The following GPR21 variants were observed in gnomAD, a reference collection of about 807,000 sequenced individuals.
The protein encoded by GPR21 is probable G protein-coupled receptor 21.
GPR21 carries 9 observed loss-of-function variants against 21.5 expected under a neutral mutation model. That is an observed-to-expected ratio of 0.42 (90% confidence interval 0.25 to 0.73). GPR21 has a LOEUF of 0.73. Among genes scored for constraint, GPR21 ranks in the 30% least tolerant of loss-of-function variants. The pLI is 0.27. For missense variants in GPR21, 416 were observed against 428.9 expected, an observed-to-expected ratio of 0.97 and a Z score of 0.27; for synonymous variants, 169 against 159.3, an observed-to-expected ratio of 1.06 and a Z score of -0.46.
the GPR21 span, among the ~76,000 whole-genome samples, chr9:123,048,566 AAGAG>A: frequency 6.6e-6 from 1 of 152,248 alleles, no homozygotes; most frequent in Non-Finnish European, 1.5e-5. Context: ...AAGCTGTACT[AAGAG>A]AGCATTTGAT....
At chr9:123,045,337 G>A in the GPR21 span, among the ~76,000 whole-genome samples, 1 of 152,200 alleles carries the variant, frequency 6.6e-6, no homozygotes, top group African/African-American at 2.4e-5. Context: ...AAGGCCATTT[G>A]TGGGTCTCTT....
At chr9:123,047,260 G>C in the GPR21 span, among the ~76,000 whole-genome samples, 8 of 152,170 alleles carry the variant, frequency 5.3e-5, no homozygotes, top group Non-Finnish European at 5.9e-5. Flanking sequence ...TGTTCGAGGA[G>C]GTAAAAAATA....
At chr9:123,044,626 CGT>C in the GPR21 span, among the ~76,000 whole-genome samples, 80,112 of 148,940 alleles carry the variant, frequency 0.54, 26,351 homozygotes, top group Non-Finnish European at 0.74. Flanking sequence ...AACACACGTA[CGT>C]GTGTGTGTGT....
At chr9:123,044,327 C>T in the GPR21 span, among the ~76,000 whole-genome samples, 5 of 152,106 alleles carry the variant, frequency 3.3e-5, no homozygotes, top group African/African-American at 1.2e-4. Context: ...TAAATGGGGG[C>T]ATAATAGCAC....
chr9:123,036,596 C>G (rs193205980), downstream of GPR21, among the ~76,000 whole-genome samples: 2 of 152,222 alleles, frequency 1.3e-5, no homozygotes, highest in African/African-American at 2.4e-5. Context: ...GCAACTGAGT[C>G]AGAAAGTATA....
At chr9:123,043,242 C>G in the GPR21 span, among the ~76,000 whole-genome samples, 1 of 152,098 alleles carries the variant, frequency 6.6e-6, no homozygotes, top group African/African-American at 2.4e-5. Flanking sequence ...GTCTCTGACA[C>G]AGGAGGATGG....
At position 123,035,290 on chromosome 9, in the gene GPR21, G is replaced by A. The variant is rs752379887; in HGVS notation, c.724G>A (p.Val242Met). 2.5e-6 allele frequency: 4 copies of A among 1,614,202 alleles called. No homozygotes were observed. The Admixed American group carries it at 5.0e-5, about 20-fold the overall frequency. The stretch of plus-strand genomic sequence containing the variant: ...CAGCCAGAGTGGGGAGACTGGGGAA[G>A]TGCAGGCCTGTCCTGATAAGCGCTA... ...FSSQSGETGE[V>M]QACPDKRYAM... The change falls in exon 2 of 2, where the codon GTG becomes ATG. Residue 242 changes from valine to methionine, a missense_variant. Transcript: ENST00000616002.
Position 123,035,338 on chromosome 9 carries a change from A to G in GPR21, c.772A>G (p.Thr258Ala). 1 of 1,614,100 alleles carries G rather than the reference A, an allele frequency of 6.2e-7. No homozygotes were observed. The highest frequency in any genetic ancestry group is 1.1e-5 in the South Asian group (1 of 91,076). Residue 258 changes from threonine to alanine, a missense_variant, in exon 2 of 2, where the codon ACT (threonine) becomes GCT (alanine). Coordinates refer to ENST00000616002, the MANE Select transcript of GPR21 (RefSeq NM_005294.3). ...KRYAMVLFRI[T>A]SVFYILWLPY... is the part of the protein sequence containing the mutation. ...CTATGCCATGGTCCTGTTTCGAATCACTAGTGTATTTTACATCCTCTGGTT... is the reference window on the plus strand; with the variant it reads ...CTATGCCATGGTCCTGTTTCGAATCGCTAGTGTATTTTACATCCTCTGGTT...
the GPR21 span, among the ~76,000 whole-genome samples, chr9:123,045,541 TAAAAC>T: frequency 3.9e-5 from 6 of 152,176 alleles, no homozygotes; most frequent in East Asian, 1.9e-4. Context: ...GAAATAAAGT[TAAAAC>T]AAAATGTAGA....
chr9:123,043,905 T>C, the GPR21 span, among the ~76,000 whole-genome samples: 4 of 148,780 alleles, frequency 2.7e-5, no homozygotes, highest in South Asian at 4.2e-4. Context: ...ATTTTCTTTT[T>C]TTTTTTTTTT....
chr9:123,045,916 A>C, the GPR21 span, among the ~76,000 whole-genome samples: 1 of 152,218 alleles, frequency 6.6e-6, no homozygotes, highest in African/African-American at 2.4e-5. Flanking sequence ...GAACTCAGTA[A>C]AAGATTTCAG....
At chr9:123,049,098 G>T in the GPR21 span, among the ~76,000 whole-genome samples, 1 of 152,192 alleles carries the variant, frequency 6.6e-6, no homozygotes, top group Admixed American at 6.5e-5. Context: ...CATCTTTTCT[G>T]AGGAAGTCAT....
chr9:123,036,769 A>G (rs754034824), downstream of GPR21, among the ~76,000 whole-genome samples: 5 of 151,336 alleles, frequency 3.3e-5, no homozygotes, highest in East Asian at 3.9e-4. Flanking sequence ...TCTTATTGCT[A>G]TTTTCTCTCT....
chr9:123,035,152 G>A lies in GPR21; in HGVS notation c.586G>A (p.Val196Met). The change falls in exon 2 of 2, where the codon GTG (valine) becomes ATG (methionine). Residue 196 changes from valine to methionine, a missense_variant. By Grantham distance (21) the Val-to-Met change is conservative. Transcript: ENST00000616002. ...CGACTCCTACTTCACCCTGTTCATC[G>A]TGATGATGTTATATGCCCCAGCAGC... ...HTDSYFTLFIVMMLYAPAALI... is the reference protein window; with the variant it reads ...HTDSYFTLFIMMMLYAPAALI... 1.2e-6 allele frequency: 2 copies of A among 1,613,874 alleles called. No homozygotes were observed. The highest frequency in any genetic ancestry group is 1.1e-5 in the South Asian group (1 of 91,074).
At chr9:123,034,131 G>A (rs1271185492) in intron 1 of GPR21, 40 bp from the exon 2 acceptor site, 1 of 174,584 alleles carries the variant, frequency 5.7e-6, no homozygotes, top group Admixed American at 5.9e-5. Flanking sequence ...TAGGGCATTG[G>A]ATGTGAAATG....
chr9:123,035,682 G>A (rs1008219099), downstream of GPR21: 13 of 667,762 alleles, frequency 1.9e-5, no homozygotes, highest in Admixed American at 6.5e-5. Context: ...GTGTGTGTGT[G>A]TATTTTATCT....
At chr9:123,047,255 G>A in the GPR21 span, among the ~76,000 whole-genome samples, 2 of 152,100 alleles carry the variant, frequency 1.3e-5, no homozygotes, top group Admixed American at 6.5e-5. Context: ...ATGTTTGTTC[G>A]AGGAGGTAAA....
the GPR21 span, among the ~76,000 whole-genome samples, chr9:123,043,286 G>A: frequency 2.0e-5 from 3 of 152,162 alleles, no homozygotes; most frequent in South Asian, 2.1e-4. Flanking sequence ...AAAGCTCTAC[G>A]AAAGCAACTA....
At position 123,035,200 on chromosome 9, in the gene GPR21, T is replaced by G. The variant is rs61736065; in HGVS notation, c.634T>G (p.Phe212Val). 1.3e-3 allele frequency: 2,041 copies of G among 1,614,102 alleles called. 20 individuals carry two copies. In the African/African-American group the frequency reaches 0.024, roughly 19 times the overall value. ...AGCCCTTATTGTCTGCTTCACCTAT[T>G]TCAACATCTTCCGCATCTGCCAACA... ...PAALIVCFTY[F>V]NIFRICQQHT... is the part of the protein sequence containing the mutation. The change falls in exon 2 of 2, where the codon TTC becomes GTC. Residue 212 changes from phenylalanine to valine, a missense_variant. Coordinates refer to ENST00000616002, the MANE Select transcript of GPR21 (RefSeq NM_005294.3).
Sources: allele counts gnomAD v4.1 joint callset (sites outside exome capture counted in the v4.1 genomes callset), GRCh38; gene constraint gnomAD v4.1.1; transcripts MANE v1.5; gene names NCBI Gene and HGNC (gene_info 2026-07-23, HGNC 2026-07-21).